Variants in PPP2R2A observed in about 807,000 individuals in gnomAD.
PPP2R2A encodes serine/threonine-protein phosphatase 2A 55 kDa regulatory subunit B alpha isoform.
In PPP2R2A, 9 loss-of-function variants were observed where a neutral mutation model predicts 53.2. That is an observed-to-expected ratio of 0.17 (90% CI 0.10 to 0.30). The LOEUF (loss-of-function observed/expected upper bound fraction) is 0.30, where lower values mean the gene tolerates loss of function less well. Among genes scored for constraint, PPP2R2A ranks in the 10% least tolerant of loss-of-function variants. The pLI is 1.00. For missense variants in PPP2R2A, 235 were observed against 534.6 expected, an observed-to-expected ratio of 0.44 and a Z score of 5.53; for synonymous variants, 169 against 174.2, an observed-to-expected ratio of 0.97 and a Z score of 0.23.
Position 26,371,683 on chromosome 8 carries a change from T to A in PPP2R2A, c.*1270T>A, listed in dbSNP as rs1805673270. On this transcript the variant is annotated 3_prime_UTR_variant, in exon 10 of 10. Transcript: ENST00000380737. ...TTACCATAGATATTTTTCTTCTATT[T>A]TTGGTTTTCCAAAGCTATATGAAAG... The A allele has an allele frequency of 6.6e-6, 1 of 152,214 alleles. No homozygotes were observed. Among genetic ancestry groups the A allele is most frequent in the East Asian group, 1.9e-4 (1 of 5,202 alleles). The allele number at this position is 152,214 out of a possible 1,614,324, so 9.4% of individuals were successfully genotyped here.
Position 26,354,288 on chromosome 8 carries a change from G to A in PPP2R2A, c.181-180G>A, listed in dbSNP as rs368945356. 69 of 383,312 alleles carry A rather than the reference G, an allele frequency of 1.8e-4. No individual in the cohort carries two copies. The South Asian group carries it at 6.2e-3, about 34-fold the overall frequency. 23.7% of individuals were successfully genotyped at this position (383,312 alleles called of 1,614,324 possible). The stretch of plus-strand genomic sequence containing the variant: ...TCAGCTTTATTTAGCCTTTTCCCCC[G>A]TTAAGTTTTCTCATTTAATCCTTGA... On this transcript the variant is annotated intron_variant, in intron 3 of 9. Coordinates refer to ENST00000380737, the MANE Select transcript of PPP2R2A (RefSeq NM_002717.4). This position sits in a 1 kb window ranked among gnomAD's most constrained non-coding sequence, Gnocchi z 4.6.
intron 4 of PPP2R2A, among the ~76,000 whole-genome samples, chr8:26,358,457 T>C (rs757767395): frequency 2.0e-4 from 31 of 152,028 alleles, no homozygotes; most frequent in Non-Finnish European, 4.0e-4. Context: ...TACAAGAAAA[T>C]TATAAGCAAG....
At chr8:26,356,883 C>T (rs1804808882) in intron 4 of PPP2R2A, among the ~76,000 whole-genome samples, 1 of 152,170 alleles carries the variant, frequency 6.6e-6, no homozygotes, top group African/African-American at 2.4e-5. Context: ...CTTCCCCTTC[C>T]CCTCCTCCTC....
At position 26,354,659 on chromosome 8, in the gene PPP2R2A, GTGCCCACTGTGTGTACCTGT is replaced by G. The variant is rs776041109; in HGVS notation, c.346+30_346+49del. 1.3e-6 allele frequency: 2 copies of G among 1,539,558 alleles called. No individual in the cohort carries two copies. Among genetic ancestry groups the G allele is most frequent in the East Asian group, 4.6e-5 (2 of 43,784 alleles). On this transcript the variant is annotated intron_variant, in intron 4 of 9. Coordinates refer to ENST00000380737, the MANE Select transcript of PPP2R2A (RefSeq NM_002717.4). This position sits in a 1 kb window ranked among gnomAD's most constrained non-coding sequence, Gnocchi z 4.6. ...GTAAGTATACATATTTTCTTTCCATGTGCCCACTGTGTGTACCTGTTGCACATATCCTGTAGCCTAGGAGA... is the reference window on the plus strand; with the variant it reads ...GTAAGTATACATATTTTCTTTCCATGTGCACATATCCTGTAGCCTAGGAGA...
At chr8:26,320,362 C>T (rs1802774532) in intron 2 of PPP2R2A, among the ~76,000 whole-genome samples, 2 of 152,058 alleles carry the variant, frequency 1.3e-5, no homozygotes, top group African/African-American at 2.4e-5. Context: ...TCTTCCCCTC[C>T]GATATCATTA....
rs372225121 is a variant in PPP2R2A, at chr8:26,316,812, C to T, written c.83-22078C>T. ...GACACACTAATCGCATTCATGAGGG[C>T]TCCACCCTTATTACCGGATCACCTG... On this transcript the variant is annotated intron_variant, in intron 2 of 9. Coordinates refer to ENST00000380737, the MANE Select transcript of PPP2R2A (RefSeq NM_002717.4). 3.3e-5 allele frequency among the ~76,000 whole-genome samples: 5 copies of T among 152,330 alleles called. No individual in the cohort carries two copies. In the East Asian group the frequency reaches 9.6e-4, roughly 29 times the overall value.
chr8:26,306,422 G>A (rs985573543), intron 2 of PPP2R2A, among the ~76,000 whole-genome samples: 1 of 148,322 alleles, frequency 6.7e-6, no homozygotes, highest in Non-Finnish European at 1.5e-5. Context: ...GTTGCAGTGA[G>A]CAAAGATCGC....
chr8:26,323,729 C>T (rs1307367068), intron 2 of PPP2R2A, among the ~76,000 whole-genome samples: 2 of 152,172 alleles, frequency 1.3e-5, no homozygotes, highest in South Asian at 2.1e-4. Context: ...GCGCCACCTA[C>T]GCAGCTCCTG....
At chr8:26,335,915 TA>T (rs1803634721) in intron 2 of PPP2R2A, among the ~76,000 whole-genome samples, 1 of 152,240 alleles carries the variant, frequency 6.6e-6, no homozygotes, top group African/African-American at 2.4e-5. Context: ...GTTCCTGCCA[TA>T]AGAAGTGATA....
At chr8:26,363,468 A>G (rs957090154) in intron 7 of PPP2R2A, 10 of 306,116 alleles carry the variant, frequency 3.3e-5, no homozygotes, top group Non-Finnish European at 5.4e-5. Flanking sequence ...CAGAAGTCCC[A>G]GGTGAGTCTG....
At chr8:26,315,388 G>A (rs2117248230) in intron 2 of PPP2R2A, among the ~76,000 whole-genome samples, 1 of 152,302 alleles carries the variant, frequency 6.6e-6, no homozygotes, top group Admixed American at 6.5e-5. Flanking sequence ...CACATCTTAA[G>A]CCTGGCTGCT....
At chr8:26,358,314 C>T (rs1563321696) in intron 4 of PPP2R2A, among the ~76,000 whole-genome samples, 1 of 152,062 alleles carries the variant, frequency 6.6e-6, no homozygotes, top group Non-Finnish European at 1.5e-5. Flanking sequence ...TGTTGTCATC[C>T]TCATCACAAA....
At chr8:26,340,130 G>A (rs917630409) in intron 3 of PPP2R2A, among the ~76,000 whole-genome samples, 1 of 151,790 alleles carries the variant, frequency 6.6e-6, no homozygotes, top group Admixed American at 6.6e-5. Flanking sequence ...GGAAGTGGGG[G>A]GCTAAATCAG....
chr8:26,334,039 T>C (rs1803524425), intron 2 of PPP2R2A, among the ~76,000 whole-genome samples: 1 of 152,216 alleles, frequency 6.6e-6, no homozygotes, highest in Admixed American at 6.5e-5. Flanking sequence ...TCTTATGCCT[T>C]TTAAATACTA....
At chr8:26,369,568 A>G (rs2117437366) in intron 9 of PPP2R2A, among the ~76,000 whole-genome samples, 1 of 152,028 alleles carries the variant, frequency 6.6e-6, no homozygotes, top group African/African-American at 2.4e-5. Flanking sequence ...TTTTTTTTGT[A>G]TTTTTAGTAG....
chr8:26,293,644 T>C (rs1801409649), intron 1 of PPP2R2A, 22 bp from the exon 2 acceptor site: 1 of 1,605,390 alleles, frequency 6.2e-7, no homozygotes, highest in African/African-American at 1.3e-5. Context: ...TCGGTTTTAA[T>C]TGGTATGTTT....
intron 2 of PPP2R2A, among the ~76,000 whole-genome samples, chr8:26,303,154 T>C (rs1420483594): frequency 6.6e-6 from 1 of 152,196 alleles, no homozygotes; most frequent in African/African-American, 2.4e-5. Flanking sequence ...CCCTGTTCTT[T>C]TAGATACCAA....
chr8:26,370,466 A>G lies in PPP2R2A; in HGVS notation c.*53A>G. On this transcript the variant is annotated 3_prime_UTR_variant, in exon 10 of 10. Transcript: ENST00000380737. This position sits in a 1 kb window ranked among gnomAD's most constrained non-coding sequence, Gnocchi z 6.1. ...CTTCCTGCTTAGTTGAGATAGTTGA[A>G]TCTAGCATTCGTTCCTATAAAAGAG... 6.3e-7 allele frequency: 1 copy of G among 1,575,932 alleles called. No individual in the cohort carries two copies. Among genetic ancestry groups the G allele is most frequent in the Non-Finnish European group, 8.7e-7 (1 of 1,152,280 alleles).
intron 2 of PPP2R2A, among the ~76,000 whole-genome samples, chr8:26,299,629 G>A (rs1392060873): frequency 6.6e-6 from 1 of 151,666 alleles, no homozygotes. Flanking sequence ...TCCATATTAT[G>A]ATATCTCACA....
Sources: gnomAD v4.1 joint callset for allele counts (sites outside exome capture counted in the v4.1 genomes callset) on GRCh38, gnomAD v4.1.1 for gene constraint, Gnocchi (gnomAD v3.1) non-coding constraint, MANE v1.5 for transcripts, NCBI Gene and HGNC (gene_info 2026-07-23, HGNC 2026-07-21) for gene names.